The following PDE4B variants were observed in gnomAD, a reference collection of about 807,000 sequenced individuals.
The protein encoded by PDE4B is 3',5'-cyclic-AMP phosphodiesterase 4B.
In PDE4B, 20 loss-of-function variants were observed where a neutral mutation model predicts 82.2. The ratio of observed to expected loss-of-function variants is 0.24; its 90% CI spans 0.17 to 0.35. The LOEUF is 0.35. Ranked by LOEUF, PDE4B falls within the 10% of genes least tolerant of loss-of-function variation. The probability of loss-of-function intolerance (pLI) is 1.00; values close to 1 mark genes in which losing one functional copy is unlikely to be tolerated. For missense variants in PDE4B, 655 were observed against 907.2 expected, an observed-to-expected ratio of 0.72 and a Z score of 3.57; for synonymous variants, 320 against 318.9, an observed-to-expected ratio of 1.00 and a Z score of -0.04.
At chr1:65,973,387 A>T (rs1319282608) in intron 3 of PDE4B, among the ~76,000 whole-genome samples, 1 of 152,102 alleles carries the variant, frequency 6.6e-6, no homozygotes, top group Non-Finnish European at 1.5e-5. Context: ...GGTTGGAGAA[A>T]GATGTTTAGA....
chr1:66,197,235 G>C (rs1388843459), intron 3 of PDE4B, among the ~76,000 whole-genome samples: 2 of 152,018 alleles, frequency 1.3e-5, no homozygotes, highest in African/African-American at 4.8e-5. Context: ...TCTTCATTTA[G>C]AATAAGAAAT....
intron 3 of PDE4B, among the ~76,000 whole-genome samples, chr1:66,002,666 T>C (rs887184028): frequency 6.6e-6 from 1 of 152,052 alleles, no homozygotes; most frequent in Non-Finnish European, 1.5e-5. Context: ...TTTGACGTTG[T>C]CTGGAATTTA....
chr1:66,364,854 A>T (rs763730327), intron 12 of PDE4B, among the ~76,000 whole-genome samples: 3 of 152,216 alleles, frequency 2.0e-5, no homozygotes, highest in African/African-American at 4.8e-5. Context: ...GGGAGAGCTC[A>T]ATGAGTGCTT....
chr1:66,280,618 G>A (rs937609962), intron 7 of PDE4B, among the ~76,000 whole-genome samples: 1 of 152,118 alleles, frequency 6.6e-6, no homozygotes, highest in African/African-American at 2.4e-5. Context: ...TCCTTGAGAC[G>A]CCCTTCCTTC....
chr1:66,279,998 G>C (rs962354827), intron 7 of PDE4B, among the ~76,000 whole-genome samples: 6 of 152,134 alleles, frequency 3.9e-5, no homozygotes, highest in African/African-American at 1.4e-4. Flanking sequence ...AGCCAAGTCA[G>C]CACATACAAC....
At chr1:65,950,486 A>C in intron 3 of PDE4B, among the ~76,000 whole-genome samples, 1 of 152,002 alleles carries the variant, frequency 6.6e-6, no homozygotes. Context: ...TAAGTCACTT[A>C]TTGGGGATGT....
intron 3 of PDE4B, among the ~76,000 whole-genome samples, chr1:66,236,662 C>G (rs12239906): frequency 0.21 from 31,263 of 151,922 alleles, 6,672 homozygotes; most frequent in African/African-American, 0.53. Context: ...ATGCAAAATA[C>G]AAAACGATGA....
chr1:65,843,612 G>GTA (rs984572128), intron 1 of PDE4B, among the ~76,000 whole-genome samples: 158 of 152,140 alleles, frequency 1.0e-3, no homozygotes, highest in African/African-American at 3.2e-3. Flanking sequence ...AAGTTTTTAA[G>GTA]TATATATATA....
intron 3 of PDE4B, among the ~76,000 whole-genome samples, chr1:66,091,591 C>T (rs946202356): frequency 2.0e-5 from 3 of 151,974 alleles, no homozygotes; most frequent in African/African-American, 4.8e-5. Context: ...TTCTAATTGA[C>T]TGCCACATGC....
intron 3 of PDE4B, among the ~76,000 whole-genome samples, chr1:66,197,660 T>G (rs953053987): frequency 2.0e-4 from 31 of 152,106 alleles, no homozygotes; most frequent in African/African-American, 7.5e-4. Context: ...AAATCCCCAA[T>G]CTACATCTTG....
intron 3 of PDE4B, chr1:66,094,396 T>C (rs1206844819): frequency 6.6e-6 from 1 of 152,060 alleles, no homozygotes; most frequent in Non-Finnish European, 1.5e-5. Flanking sequence ...TGAAACTATA[T>C]AAATCCAAAT....
intron 3 of PDE4B, among the ~76,000 whole-genome samples, chr1:66,192,871 A>G (rs1402152098): frequency 6.6e-6 from 1 of 152,162 alleles, no homozygotes; most frequent in Non-Finnish European, 1.5e-5. Flanking sequence ...AGCACCAAAC[A>G]TATAATCATA....
chr1:65,924,363 C>T (rs993009044), intron 3 of PDE4B, among the ~76,000 whole-genome samples: 7 of 151,536 alleles, frequency 4.6e-5, no homozygotes, highest in Non-Finnish European at 1.0e-4. Context: ...CGTGAGCCAC[C>T]GCGCCCGGCC....
intron 7 of PDE4B, among the ~76,000 whole-genome samples, chr1:66,293,669 A>G (rs1657275677): frequency 6.6e-6 from 1 of 152,202 alleles, no homozygotes; most frequent in African/African-American, 2.4e-5. Context: ...AGCATATTCA[A>G]CATTGCATCT....
At chr1:66,319,694 A>G (rs1250963948) in intron 7 of PDE4B, among the ~76,000 whole-genome samples, 2 of 152,250 alleles carry the variant, frequency 1.3e-5, no homozygotes, top group Non-Finnish European at 2.9e-5. Context: ...CCTGAGCTTC[A>G]TCAGGCTTTT....
chr1:65,918,021 G>A (rs551128835), intron 2 of PDE4B, among the ~76,000 whole-genome samples: 10 of 152,112 alleles, frequency 6.6e-5, no homozygotes, highest in African/African-American at 1.7e-4. Context: ...AAAATTAGCC[G>A]GGCGTTGTGG....
rs545241996 is a variant in PDE4B at position 65,868,744 on chromosome 1, C to T, written c.-70-44501C>T. Reference sequence around the variant, plus strand: ...CGCAGGTGAGCTGTGGCTGAGCCAGCGAGCATTACCGCCTGAACTCTGCCT... The same window carrying T: ...CGCAGGTGAGCTGTGGCTGAGCCAGTGAGCATTACCGCCTGAACTCTGCCT... On this transcript the variant is annotated intron_variant, in intron 1 of 16. Coordinates refer to ENST00000341517, the MANE Select transcript of PDE4B (RefSeq NM_002600.4). Among the ~76,000 whole-genome samples the T allele has an allele frequency of 2.4e-4, 37 of 152,284 alleles. 1 individual carries two copies. Among genetic ancestry groups the T allele is most frequent in the South Asian group, 2.1e-3 (10 of 4,818 alleles).
At chr1:66,107,974 T>C (rs1645404343) in intron 3 of PDE4B, among the ~76,000 whole-genome samples, 1 of 152,040 alleles carries the variant, frequency 6.6e-6, no homozygotes, top group Non-Finnish European at 1.5e-5. Context: ...TTTTTTTAAA[T>C]AATTAAATTG....
At chr1:65,885,937 G>A (rs1646770614) in intron 1 of PDE4B, among the ~76,000 whole-genome samples, 1 of 150,256 alleles carries the variant, frequency 6.7e-6, no homozygotes, top group South Asian at 2.1e-4. Context: ...GATCTGTGCT[G>A]GCTAATAAGA....
Sources: allele counts gnomAD v4.1 joint callset (sites outside exome capture counted in the v4.1 genomes callset), GRCh38; gene constraint gnomAD v4.1.1; transcripts MANE v1.5; gene names NCBI Gene and HGNC (gene_info 2026-07-23, HGNC 2026-07-21).